The following ANKRD6 variants were observed in gnomAD, a reference collection of about 807,000 sequenced individuals.
ANKRD6 encodes ankyrin repeat domain 6.
Under a neutral mutation model 82.3 loss-of-function variants are expected in ANKRD6, and 56 were observed. The ratio of observed to expected loss-of-function variants is 0.68; its 90% CI spans 0.55 to 0.85. The LOEUF (loss-of-function observed/expected upper bound fraction) is 0.85. Ranked by LOEUF, ANKRD6 falls within the 40% of genes least tolerant of loss-of-function variation. ANKRD6 has a pLI of 0.00. For synonymous variants in ANKRD6, 347 were observed against 352.1 expected, an observed-to-expected ratio of 0.99 and a Z score of 0.16; for missense variants, 852 against 907.6, an observed-to-expected ratio of 0.94 and a Z score of 0.79.
In ANKRD6 at chr6:89,623,393, G is replaced by T; in HGVS notation, c.898-17G>T. The T allele has an allele frequency of 6.2e-7, 1 of 1,605,324 alleles. No homozygotes were observed. Among genetic ancestry groups the T allele is most frequent in the Non-Finnish European group, 8.5e-7 (1 of 1,176,844 alleles). On this transcript the variant is annotated splice_polypyrimidine_tract_variant and intron_variant, in intron 10 of 15. Coordinates refer to ENST00000339746, the MANE Select transcript of ANKRD6 (RefSeq NM_001242809.2). ...GGAAGCAAACACAATGGGTCTCTGG[G>T]CTTTTTCCTTCTGTAGGGCAGTGTC... is the stretch of plus-strand genomic sequence containing the variant.
chr6:89,436,144 A>G (rs1770611934), intron 1 of ANKRD6, among the ~76,000 whole-genome samples: 1 of 152,264 alleles, frequency 6.6e-6, no homozygotes, highest in Admixed American at 6.5e-5. Context: ...AAAAAATAAT[A>G]TACATAAACT....
chr6:89,541,394 T>A (rs1314560368), intron 1 of ANKRD6, among the ~76,000 whole-genome samples: 2 of 134,378 alleles, frequency 1.5e-5, no homozygotes, highest in Non-Finnish European at 3.2e-5. Context: ...TGGCTTTTTT[T>A]TTTTTTTTTT....
chr6:89,449,553 C>T (rs1772549189), intron 1 of ANKRD6, among the ~76,000 whole-genome samples: 2 of 152,284 alleles, frequency 1.3e-5, no homozygotes, highest in South Asian at 4.1e-4. Flanking sequence ...CAAAGACTTT[C>T]CAAAATAACC....
intron 1 of ANKRD6, chr6:89,565,453 A>G (rs1788299991): frequency 1.3e-5 from 2 of 152,356 alleles, no homozygotes. Flanking sequence ...CAGTATTCAC[A>G]TCTGGGCCAT....
chr6:89,493,562 A>G (rs886693930), intron 1 of ANKRD6, among the ~76,000 whole-genome samples: 2 of 152,102 alleles, frequency 1.3e-5, no homozygotes, highest in Admixed American at 6.6e-5. Flanking sequence ...GGCATGCACT[A>G]TCATGCCCAG....
At chr6:89,561,243 A>T (rs996830204) in intron 1 of ANKRD6, 1 of 152,214 alleles carries the variant, frequency 6.6e-6, no homozygotes, top group Non-Finnish European at 1.5e-5. Context: ...AGAGGTGGTT[A>T]TTTCAAAAGA....
At chr6:89,523,679 G>T (rs1782137363) in intron 1 of ANKRD6, among the ~76,000 whole-genome samples, 2 of 152,232 alleles carry the variant, frequency 1.3e-5, no homozygotes, top group South Asian at 2.1e-4. Flanking sequence ...GGTAGAATCT[G>T]TGGCATACCC....
chr6:89,576,372 G>A (rs1431489147), intron 2 of ANKRD6, among the ~76,000 whole-genome samples: 2 of 152,226 alleles, frequency 1.3e-5, no homozygotes, highest in African/African-American at 2.4e-5. Context: ...TTCATATTTC[G>A]ACCAGTTGTA....
chr6:89,509,173 T>G lies in ANKRD6; in HGVS notation c.-143-57661T>G, dbSNP rs1180940420. 2.6e-5 allele frequency: 4 copies of G among 152,314 alleles called. No individual in the cohort carries two copies. The East Asian group carries it at 7.7e-4, about 29-fold the overall frequency. 9.4% of individuals were successfully genotyped at this position (152,314 alleles called of 1,614,324 possible). On this transcript the variant is annotated intron_variant, in intron 1 of 15. Coordinates refer to ENST00000339746, the MANE Select transcript of ANKRD6 (RefSeq NM_001242809.2). ...CCTCTCTCCTGGCTGCTTCCTGATG[T>G]CTTGCTGGCAGCAAGTGGGCTAGGG... is the stretch of plus-strand genomic sequence containing the variant.
chr6:89,525,857 T>C (rs1782432236), intron 1 of ANKRD6, among the ~76,000 whole-genome samples: 1 of 152,220 alleles, frequency 6.6e-6, no homozygotes. Context: ...TGGTCAAAAC[T>C]GGCTTGAGGT....
At chr6:89,563,467 A>G (rs1787804717) in intron 1 of ANKRD6, among the ~76,000 whole-genome samples, 1 of 152,234 alleles carries the variant, frequency 6.6e-6, no homozygotes, top group African/African-American at 2.4e-5. Flanking sequence ...ATTGTGACAA[A>G]GAGGGGTGTA....
chr6:89,451,022 A>G (rs1049166981), intron 1 of ANKRD6, among the ~76,000 whole-genome samples: 1 of 152,134 alleles, frequency 6.6e-6, no homozygotes, highest in Non-Finnish European at 1.5e-5. Context: ...AATTACTAAA[A>G]TTCAGCCGGG....
chr6:89,627,336 GTCCT>G (rs766549455), intron 13 of ANKRD6, among the ~76,000 whole-genome samples: 1 of 152,226 alleles, frequency 6.6e-6, no homozygotes, highest in Non-Finnish European at 1.5e-5. Context: ...TATATTCATA[GTCCT>G]TATACCTCTT....
chr6:89,481,973 TAGAC>T (rs1562602397), intron 1 of ANKRD6, among the ~76,000 whole-genome samples: 1 of 152,160 alleles, frequency 6.6e-6, no homozygotes, highest in Non-Finnish European at 1.5e-5. Context: ...TCTCATAACA[TAGAC>T]AGAAAGATGA....
intron 1 of ANKRD6, among the ~76,000 whole-genome samples, chr6:89,486,019 A>C (rs1777325420): frequency 6.6e-6 from 1 of 152,270 alleles, no homozygotes; most frequent in African/African-American, 2.4e-5. Flanking sequence ...AAATATCAGT[A>C]ATAACTACAT....
chr6:89,438,121 C>T (rs140496297), intron 1 of ANKRD6, among the ~76,000 whole-genome samples: 2 of 152,334 alleles, frequency 1.3e-5, no homozygotes, highest in African/African-American at 4.8e-5. Context: ...AGAAATACTT[C>T]AATAAATCAT....
At chr6:89,520,069 G>A (rs1781706392) in intron 1 of ANKRD6, among the ~76,000 whole-genome samples, 1 of 152,110 alleles carries the variant, frequency 6.6e-6, no homozygotes, top group Non-Finnish European at 1.5e-5. Context: ...CTCACTTGCA[G>A]CCTCACCCTC....
intron 1 of ANKRD6, among the ~76,000 whole-genome samples, chr6:89,444,561 A>C (rs1040137925): frequency 6.6e-6 from 1 of 152,234 alleles, no homozygotes; most frequent in African/African-American, 2.4e-5. Context: ...TTTGAAATAT[A>C]AGTAAACATT....
At chr6:89,545,040 C>T (rs1397961938) in intron 1 of ANKRD6, among the ~76,000 whole-genome samples, 2 of 151,674 alleles carry the variant, frequency 1.3e-5, no homozygotes, top group African/African-American at 4.8e-5. Context: ...GGTGAAACCC[C>T]GTCTCTACTA....
Sources: allele counts gnomAD v4.1 joint callset (sites outside exome capture counted in the v4.1 genomes callset), GRCh38; gene constraint gnomAD v4.1.1; transcripts MANE v1.5; gene names NCBI Gene and HGNC (gene_info 2026-07-23, HGNC 2026-07-21).